PKD2L2: variants seen among roughly 807,000 people sequenced by gnomAD.
PKD2L2 encodes polycystin 2 like 2, transient receptor potential cation channel.
Under a neutral mutation model 83.9 loss-of-function variants are expected in PKD2L2, and 67 were observed. The ratio of observed to expected loss-of-function variants is 0.80; its 90% CI spans 0.66 to 0.98. The LOEUF (loss-of-function observed/expected upper bound fraction) is 0.98. Among genes scored for constraint, PKD2L2 ranks in the 50% least tolerant of loss-of-function variants. The probability of loss-of-function intolerance (pLI) is 0.00; values close to 1 mark genes in which losing one functional copy is unlikely to be tolerated. For missense variants in PKD2L2, 632 were observed against 717.2 expected (o/e 0.88, Z 1.36); for synonymous variants, 223 against 237.8 (o/e 0.94, Z 0.57).
At position 137,889,500 on chromosome 5, in the gene PKD2L2, G is replaced by C; in HGVS notation, c.9G>C (p.Glu3Asp). MA[E>D]ASRWHRGGAS... ...TGTAGTGCAGGTCCGCCATGGCTGAGGCGTCACGGTGGCACCGAGGCGGTG... is the reference window on the plus strand; with the variant it reads ...TGTAGTGCAGGTCCGCCATGGCTGACGCGTCACGGTGGCACCGAGGCGGTG... Residue 3 changes from glutamate (E) to aspartate (D), a missense_variant, in exon 1 of 15, where the codon GAG (glutamate) becomes GAC (aspartate). By Grantham distance (45) the Glu-to-Asp change is conservative. Coordinates refer to ENST00000508883, the MANE Select transcript of PKD2L2 (RefSeq NM_001300921.2). 6.4e-7 allele frequency: 1 copy of C among 1,562,634 alleles called. No individual in the cohort carries two copies.
intron 14 of PKD2L2, 26 bp downstream of exon 14, chr5:137,936,453 A>T: frequency 6.6e-7 from 1 of 1,506,158 alleles, no homozygotes; most frequent in Admixed American, 2.1e-5. Context: ...GCAATCATTG[A>T]GCATTTCTTT....
intron 4 of PKD2L2, among the ~76,000 whole-genome samples, chr5:137,897,258 T>C (rs1273374084): frequency 6.6e-6 from 1 of 151,880 alleles, no homozygotes; most frequent in Non-Finnish European, 1.5e-5. Context: ...GATATCACCA[T>C]GTTGCCCAGG....
chr5:137,930,486 C>T (rs1332591256), intron 12 of PKD2L2, among the ~76,000 whole-genome samples: 1 of 151,968 alleles, frequency 6.6e-6, no homozygotes, highest in Non-Finnish European at 1.5e-5. Context: ...GCCTGACCAA[C>T]ATGGTAAAAC....
At chr5:137,938,268 C>T (rs2150074444) in intron 14 of PKD2L2, 1 of 152,564 alleles carries the variant, frequency 6.6e-6, no homozygotes, top group Admixed American at 6.5e-5. Context: ...CCAGTCAGAC[C>T]ACTGACTTAT....
In PKD2L2 at chr5:137,940,220, G is replaced by A. The variant is rs750386837; in HGVS notation, c.*18-2164G>A. On this transcript the variant is annotated intron_variant, in intron 14 of 14. Coordinates refer to ENST00000508883, the MANE Select transcript of PKD2L2 (RefSeq NM_001300921.2). ...TTTATGATATGAATTTTCAAGGAAC[G>A]TATCTTATATGGATTTTGAAGAATC... The A allele has an allele frequency of 3.1e-6, 5 of 1,613,678 alleles. No homozygotes were observed. The South Asian group carries it at 4.4e-5, about 14-fold the overall frequency.
chr5:137,908,792 A>G lies in PKD2L2; in HGVS notation c.1174A>G (p.Thr392Ala), dbSNP rs1757570159. The G allele has an allele frequency of 1.3e-6, 2 of 1,571,570 alleles. No homozygotes were observed. The highest frequency in any genetic ancestry group is 1.7e-6 in the Non-Finnish European group (2 of 1,155,368). Residue 392 changes from threonine to alanine, a missense_variant, in exon 8 of 15, where the codon ACA becomes GCA. By Grantham distance (58) the Thr-to-Ala change is moderately conservative. Coordinates refer to ENST00000508883, the MANE Select transcript of PKD2L2 (RefSeq NM_001300921.2). ...KIFKFISFNK[T>A]MSQLSSTLSR... Reference sequence around the variant, plus strand: ...ATTCAAATTCATAAGCTTTAACAAGACAATGTCTCAGCTGTCATCAACCTT... The same window carrying G: ...ATTCAAATTCATAAGCTTTAACAAGGCAATGTCTCAGCTGTCATCAACCTT...
chr5:137,920,567 G>T (rs932290666), intron 8 of PKD2L2, among the ~76,000 whole-genome samples: 1 of 151,914 alleles, frequency 6.6e-6, no homozygotes, highest in Non-Finnish European at 1.5e-5. Context: ...GACCAGCCTG[G>T]ACAAGATGGT....
intron 1 of PKD2L2, chr5:137,889,867 A>G: frequency 3.2e-6 from 1 of 308,702 alleles, no homozygotes; most frequent in Non-Finnish European, 5.9e-6. Context: ...CCTGTCCAGC[A>G]GAAACCAGCC....
chr5:137,924,495 C>T (rs1183217282), intron 10 of PKD2L2, among the ~76,000 whole-genome samples: 1 of 152,150 alleles, frequency 6.6e-6, no homozygotes, highest in Non-Finnish European at 1.5e-5. Context: ...TCAGTTTGAG[C>T]TGTAGCAGAG....
At chr5:137,893,186 CT>C (rs1365538991) in intron 3 of PKD2L2, among the ~76,000 whole-genome samples, 3 of 152,016 alleles carry the variant, frequency 2.0e-5, no homozygotes, top group Non-Finnish European at 2.9e-5. Context: ...GTGAAATTTA[CT>C]TTTAAAAATT....
intron 13 of PKD2L2, 50 bp downstream of exon 13, chr5:137,935,959 T>C: frequency 2.0e-6 from 2 of 1,004,074 alleles, no homozygotes; most frequent in Non-Finnish European, 3.1e-6. Context: ...GACATGCGCA[T>C]TAAGGACATG....
rs115281566 is a variant in PKD2L2 at position 137,923,537 on chromosome 5, T to A, written c.1551+16T>A. ...GATTAAACAGGTAAGTCAAATTTCT[T>A]TCCTAATTAGAATTCTAAGACAAAC... On this transcript the variant is annotated intron_variant, in intron 10 of 14. Transcript: ENST00000508883. 70 of 1,094,522 alleles carry A rather than the reference T, an allele frequency of 6.4e-5. No individual in the cohort carries two copies. The highest frequency in any genetic ancestry group is 2.1e-4 in the Middle Eastern group (1 of 4,866). The allele number at this position is 1,094,522 out of a possible 1,614,324, so 67.8% of individuals were successfully genotyped here.
chr5:137,941,250 G>A (rs1043717410), intron 14 of PKD2L2, among the ~76,000 whole-genome samples: 7 of 151,964 alleles, frequency 4.6e-5, no homozygotes, highest in Admixed American at 3.9e-4. Context: ...ACCTATATAG[G>A]AGACTCACAA....
At chr5:137,901,409 TG>T (rs144880947) in intron 5 of PKD2L2, among the ~76,000 whole-genome samples, 1 of 56,182 alleles carries the variant, frequency 1.8e-5, no homozygotes, top group African/African-American at 4.5e-5. Flanking sequence ...TGCCCTATTC[TG>T]GAAAAAAAAA....
chr5:137,892,116 T>C lies in PKD2L2; in HGVS notation c.134-364T>C, dbSNP rs1262842822. On this transcript the variant is annotated intron_variant, in intron 2 of 14. Coordinates refer to ENST00000508883, the MANE Select transcript of PKD2L2 (RefSeq NM_001300921.2). ...CCCTGTGATGGGACTCACACCCTTA[T>C]CTGTCTGAATTCAAAGTCCATGTAA... 2.6e-5 allele frequency among the ~76,000 whole-genome samples: 4 copies of C among 152,264 alleles called. No individual in the cohort carries two copies. In the East Asian group the frequency reaches 7.7e-4, roughly 29 times the overall value.
intron 10 of PKD2L2, among the ~76,000 whole-genome samples, chr5:137,924,252 C>T (rs1422186750): frequency 1.3e-5 from 2 of 152,204 alleles, no homozygotes; most frequent in African/African-American, 2.4e-5. Flanking sequence ...TCAAGTCTCA[C>T]AGTCCTAACC....
intron 12 of PKD2L2, among the ~76,000 whole-genome samples, chr5:137,926,370 A>C (rs1759377473): frequency 6.6e-6 from 1 of 152,134 alleles, no homozygotes; most frequent in Non-Finnish European, 1.5e-5. Flanking sequence ...CACTTAAAAA[A>C]AAAAAAGTGA....
intron 14 of PKD2L2, among the ~76,000 whole-genome samples, chr5:137,941,190 G>C (rs1223492150): frequency 6.6e-6 from 1 of 152,092 alleles, no homozygotes; most frequent in East Asian, 1.9e-4. Flanking sequence ...TTACAGACGT[G>C]AGCCACTGCG....
At chr5:137,898,460 T>C (rs1309366699) in intron 4 of PKD2L2, among the ~76,000 whole-genome samples, 1 of 152,182 alleles carries the variant, frequency 6.6e-6, no homozygotes, top group African/African-American at 2.4e-5. Context: ...ACTCAAAAAC[T>C]AAATATCTCA....
Sources: gnomAD v4.1 joint callset for allele counts (sites outside exome capture counted in the v4.1 genomes callset) on GRCh38, gnomAD v4.1.1 for gene constraint, MANE v1.5 for transcripts, NCBI Gene and HGNC (gene_info 2026-07-23, HGNC 2026-07-21) for gene names.